The following TMEM38B variants were observed in gnomAD, a reference collection of about 807,000 sequenced individuals.
The protein encoded by TMEM38B is trimeric intracellular cation channel type B.
TMEM38B carries 24 observed loss-of-function variants against 28.7 expected under a neutral mutation model. The observed-to-expected ratio is 0.84, with a 90% confidence interval of 0.61 to 1.18. The LOEUF (loss-of-function observed/expected upper bound fraction) is 1.18. TMEM38B is among the 50% of genes most tolerant of loss of function. The probability of loss-of-function intolerance (pLI) is 0.00; values close to 1 mark genes in which losing one functional copy is unlikely to be tolerated. For synonymous variants in TMEM38B, 131 were observed against 127.7 expected, an observed-to-expected ratio of 1.03 and a Z score of -0.17; for missense variants, 380 against 350.9, an observed-to-expected ratio of 1.08 and a Z score of -0.66.
chr9:105,698,150 C>G (rs1191420961), intron 1 of TMEM38B, among the ~76,000 whole-genome samples: 6 of 150,688 alleles, frequency 4.0e-5, no homozygotes, highest in African/African-American at 1.5e-4. Context: ...TGAAGTCCTT[C>G]CAATGAATTC....
chr9:105,698,961 A>C (rs572689937), intron 1 of TMEM38B, among the ~76,000 whole-genome samples: 3 of 152,218 alleles, frequency 2.0e-5, no homozygotes, highest in Admixed American at 6.5e-5. Flanking sequence ...AGTCTATTGG[A>C]GTAAATGTTT....
chr9:105,713,914 C>T (rs913312077), intron 2 of TMEM38B, among the ~76,000 whole-genome samples: 1 of 119,690 alleles, frequency 8.4e-6, no homozygotes, highest in Admixed American at 8.3e-5. Context: ...GACCTACCCT[C>T]TTTGGGGCCA....
At chr9:105,740,818 A>G (rs1170887321) in intron 4 of TMEM38B, among the ~76,000 whole-genome samples, 1 of 152,150 alleles carries the variant, frequency 6.6e-6, no homozygotes, top group Non-Finnish European at 1.5e-5. Context: ...CTTCTAATCT[A>G]TTGTTTAGTG....
chr9:105,732,141 T>G (rs958523767), intron 4 of TMEM38B, among the ~76,000 whole-genome samples: 1 of 152,186 alleles, frequency 6.6e-6, no homozygotes, highest in Non-Finnish European at 1.5e-5. Context: ...TTCACCCACT[T>G]TTCGATGGGG....
chr9:105,770,895 A>G (rs1564421531), intron 5 of TMEM38B, among the ~76,000 whole-genome samples: 1 of 152,178 alleles, frequency 6.6e-6, no homozygotes, highest in Non-Finnish European at 1.5e-5. Flanking sequence ...TATTGCTATG[A>G]AGTAGATGTT....
At chr9:105,740,895 A>T (rs1837178245) in intron 4 of TMEM38B, among the ~76,000 whole-genome samples, 1 of 152,268 alleles carries the variant, frequency 6.6e-6, no homozygotes, top group Non-Finnish European at 1.5e-5. Flanking sequence ...TACAGTAAAT[A>T]AATGCAGTAA....
At chr9:105,752,366 G>T (rs1165191095) in intron 5 of TMEM38B, among the ~76,000 whole-genome samples, 1 of 152,162 alleles carries the variant, frequency 6.6e-6, no homozygotes, top group Non-Finnish European at 1.5e-5. Flanking sequence ...TGTTCCTCCT[G>T]ACTGGGTGAG....
chr9:105,708,002 T>C (rs955015816), intron 2 of TMEM38B, among the ~76,000 whole-genome samples: 5 of 151,828 alleles, frequency 3.3e-5, no homozygotes, highest in African/African-American at 1.2e-4. Flanking sequence ...ATCCAGAATT[T>C]GATACTTTCT....
At chr9:105,754,754 G>T (rs553718577) in intron 5 of TMEM38B, among the ~76,000 whole-genome samples, 2 of 152,198 alleles carry the variant, frequency 1.3e-5, no homozygotes, top group Admixed American at 1.3e-4. Context: ...GCTAGCAGAG[G>T]ACAAGAAATA....
chr9:105,730,064 T>C (rs919678118), intron 4 of TMEM38B, among the ~76,000 whole-genome samples: 4 of 152,192 alleles, frequency 2.6e-5, no homozygotes, highest in Non-Finnish European at 5.9e-5. Flanking sequence ...TTGAATACGC[T>C]TTATTTCTTT....
chr9:105,705,880 G>A, intron 2 of TMEM38B, 127 bp downstream of exon 2: 1 of 975,062 alleles, frequency 1.0e-6, no homozygotes, highest in Non-Finnish European at 1.5e-6. Flanking sequence ...CTGCAAGGAA[G>A]GAACCCAAAT....
intron 4 of TMEM38B, among the ~76,000 whole-genome samples, chr9:105,744,177 T>A (rs12351889): frequency 0.01 from 1,580 of 152,124 alleles, 26 homozygotes; most frequent in African/African-American, 0.036. Flanking sequence ...ATAATTTATA[T>A]ATAAAATCAT....
intron 4 of TMEM38B, 150 bp from the exon 5 acceptor site, chr9:105,747,923 C>A: frequency 1.8e-6 from 1 of 558,812 alleles, no homozygotes; most frequent in Non-Finnish European, 3.2e-6. Context: ...TCAGCACTTT[C>A]AACACTTTTT....
intron 1 of TMEM38B, among the ~76,000 whole-genome samples, chr9:105,699,306 A>G (rs2133543696): frequency 6.6e-6 from 1 of 152,208 alleles, no homozygotes; most frequent in Admixed American, 6.5e-5. Context: ...TTAATTGGCA[A>G]CTTTTTCCTA....
chr9:105,697,654 C>A (rs549070601), intron 1 of TMEM38B, among the ~76,000 whole-genome samples: 7 of 152,084 alleles, frequency 4.6e-5, no homozygotes, highest in Non-Finnish European at 1.0e-4. Context: ...GATATTCATT[C>A]TATTTATGTC....
At position 105,774,279 on chromosome 9, in the gene TMEM38B, G is replaced by A. The variant is rs1826658761; in HGVS notation, c.*199G>A. On this transcript the variant is annotated 3_prime_UTR_variant, in exon 6 of 6. Coordinates refer to ENST00000374692, the MANE Select transcript of TMEM38B (RefSeq NM_018112.3). ...GTAGAGTGTTACGAGTGTATCATGTGATTATGCTTTACCGGTATAAGAGAT... is the reference window on the plus strand; with the variant it reads ...GTAGAGTGTTACGAGTGTATCATGTAATTATGCTTTACCGGTATAAGAGAT... 2 of 507,008 alleles carry A rather than the reference G, an allele frequency of 3.9e-6. No individual in the cohort carries two copies. Among genetic ancestry groups the A allele is most frequent in the Admixed American group, 3.6e-5 (1 of 27,688 alleles). The allele number at this position is 507,008 out of a possible 1,614,324, so 31.4% of individuals were successfully genotyped here.
intron 4 of TMEM38B, among the ~76,000 whole-genome samples, chr9:105,743,449 GTT>G (rs753071190): frequency 1.3e-5 from 2 of 152,094 alleles, no homozygotes; most frequent in African/African-American, 2.4e-5. Context: ...CATTCTTAGA[GTT>G]TATCATTTAT....
intron 5 of TMEM38B, among the ~76,000 whole-genome samples, chr9:105,752,017 T>C (rs1837672433): frequency 6.6e-6 from 1 of 151,926 alleles, no homozygotes; most frequent in Non-Finnish European, 1.5e-5. Flanking sequence ...AGAATACAAA[T>C]GTTACAGATG....
At chr9:105,712,191 A>G (rs993558302) in intron 2 of TMEM38B, among the ~76,000 whole-genome samples, 4 of 152,208 alleles carry the variant, frequency 2.6e-5, no homozygotes, top group Non-Finnish European at 5.9e-5. Context: ...CTGGGATTAC[A>G]GGCTTGAGCC....
Sources: gnomAD v4.1 joint callset for allele counts (sites outside exome capture counted in the v4.1 genomes callset) on GRCh38, gnomAD v4.1.1 for gene constraint, MANE v1.5 for transcripts, NCBI Gene and HGNC (gene_info 2026-07-23, HGNC 2026-07-21) for gene names.